The following TTC7A variants were observed in gnomAD, a reference collection of about 807,000 sequenced individuals.
TTC7A encodes tetratricopeptide repeat protein 7A.
A neutral mutation model predicts 103.7 loss-of-function variants in TTC7A; 110 were observed. The observed-to-expected ratio is 1.06, with a 90% CI of 0.91 to 1.24. The LOEUF (loss-of-function observed/expected upper bound fraction) is 1.24. Among genes scored for constraint, TTC7A ranks in the 50% most tolerant of loss-of-function variants. The pLI, the probability that TTC7A is intolerant of heterozygous loss-of-function variation, is 0.00. For synonymous variants in TTC7A, 521 were observed against 467.9 expected, an observed-to-expected ratio of 1.11 and a Z score of -1.47; for missense variants, 1,340 against 1,116.3, an observed-to-expected ratio of 1.20 and a Z score of -2.86.
At chr2:46,957,273 C>T (rs1671959845) in intron 3 of TTC7A, among the ~76,000 whole-genome samples, 1 of 152,256 alleles carries the variant, frequency 6.6e-6, no homozygotes, top group Non-Finnish European at 1.5e-5. Context: ...CACCTCTTCA[C>T]CTCCTTTGGC....
At chr2:47,028,343 GC>G (rs1054288269) in intron 14 of TTC7A, among the ~76,000 whole-genome samples, 1 of 152,224 alleles carries the variant, frequency 6.6e-6, no homozygotes, top group African/African-American at 2.4e-5. Flanking sequence ...GGCCACAGCT[GC>G]AAATCACCCG....
chr2:46,932,393 C>T (rs901352647), intron 2 of TTC7A, among the ~76,000 whole-genome samples: 13 of 152,114 alleles, frequency 8.5e-5, no homozygotes, highest in Admixed American at 5.9e-4. Context: ...ATATGATCCT[C>T]GCACCTTGGC....
intron 3 of TTC7A, 190 bp from the exon 4 acceptor site, chr2:46,974,783 C>A (rs116661870): frequency 1.4e-5 from 10 of 726,594 alleles, no homozygotes; most frequent in Non-Finnish European, 2.1e-5. Flanking sequence ...GCTGTCCCAT[C>A]GCTTACTCCC....
chr2:47,039,535 C>G (rs1002646585), intron 15 of TTC7A, among the ~76,000 whole-genome samples: 6 of 152,198 alleles, frequency 3.9e-5, no homozygotes, highest in African/African-American at 1.4e-4. Flanking sequence ...AAAAATATCC[C>G]CTATCTACAA....
In TTC7A at chr2:47,005,527, G is replaced by A. The variant is rs1431432471; in HGVS notation, c.1066-395G>A. Among the ~76,000 whole-genome samples, 4 of 152,178 alleles carry A rather than the reference G, an allele frequency of 2.6e-5. No homozygotes were observed. In the East Asian group the frequency reaches 5.8e-4, roughly 22 times the overall value. On this transcript the variant is annotated intron_variant, in intron 8 of 19. Transcript: ENST00000319190. ...GATACAGGGAGATTAAAGAGACATG[G>A]CACCTGAATACAAGGTATGATCCTG...
intron 8 of TTC7A, among the ~76,000 whole-genome samples, chr2:47,003,933 T>C (rs1242489244): frequency 6.6e-6 from 1 of 152,222 alleles, no homozygotes; most frequent in Non-Finnish European, 1.5e-5. Context: ...TATTCCTAGT[T>C]GGCTCAGGGG....
chr2:47,021,570 G>T (rs1010979961), intron 11 of TTC7A, among the ~76,000 whole-genome samples: 2 of 152,280 alleles, frequency 1.3e-5, no homozygotes, highest in South Asian at 4.1e-4. Flanking sequence ...TGCCTGCCCC[G>T]GCCCTGGCTT....
At chr2:47,070,884 A>T (rs1390377975) in intron 19 of TTC7A, among the ~76,000 whole-genome samples, 2 of 152,182 alleles carry the variant, frequency 1.3e-5, no homozygotes, top group Non-Finnish European at 2.9e-5. Context: ...CTGGCAGCAC[A>T]GCCATGGCAT....
At chr2:47,030,279 A>G (rs1680391598) in intron 15 of TTC7A, among the ~76,000 whole-genome samples, 1 of 152,206 alleles carries the variant, frequency 6.6e-6, no homozygotes, top group Admixed American at 6.5e-5. Context: ...CAGGTTCACA[A>G]AGGATTAGGA....
intron 8 of TTC7A, among the ~76,000 whole-genome samples, chr2:46,998,342 C>G (rs1459626301): frequency 6.6e-6 from 1 of 152,156 alleles, no homozygotes; most frequent in African/African-American, 2.4e-5. Flanking sequence ...GGAATGGTTT[C>G]TCTAAGTGGC....
intron 11 of TTC7A, among the ~76,000 whole-genome samples, chr2:47,016,866 G>A (rs746129028): frequency 6.6e-6 from 1 of 152,120 alleles, no homozygotes; most frequent in Non-Finnish European, 1.5e-5. Flanking sequence ...CAGATCGCAG[G>A]TGGGGCCCAT....
intron 8 of TTC7A, 52 bp from the exon 9 acceptor site, chr2:47,005,870 C>T: frequency 6.2e-7 from 1 of 1,604,114 alleles, no homozygotes; most frequent in South Asian, 1.1e-5. Flanking sequence ...CGAAGACAGA[C>T]ACCTGCTTAT....
At chr2:47,029,732 T>C (rs1393432035) in intron 15 of TTC7A, among the ~76,000 whole-genome samples, 1 of 152,198 alleles carries the variant, frequency 6.6e-6, no homozygotes, top group Admixed American at 6.5e-5. Context: ...CAGTAACTTG[T>C]GTAAGTTAAT....
chr2:46,961,600 T>TAAATAAATAAATAAATAAATAAATA (rs1289737572), intron 3 of TTC7A, among the ~76,000 whole-genome samples: 1 of 149,764 alleles, frequency 6.7e-6, no homozygotes, highest in East Asian at 1.9e-4. Flanking sequence ...AATAAATAAA[T>TAAATAAATAAATAAATAAATAAATA]AAATAAAATA....
At chr2:47,071,496 T>C (rs535157998) in intron 19 of TTC7A, among the ~76,000 whole-genome samples, 97 of 152,356 alleles carry the variant, frequency 6.4e-4, no homozygotes, top group African/African-American at 2.2e-3. Flanking sequence ...CGCGGTGATT[T>C]TTCAAGTTGA....
rs781503883 is a variant in TTC7A, at chr2:46,956,978, G to T, written c.488G>T (p.Arg163Leu). 19 of 1,614,120 alleles carry T rather than the reference G, an allele frequency of 1.2e-5. No individual in the cohort carries two copies. Among genetic ancestry groups the T allele is most frequent in the Non-Finnish European group, 1.6e-5 (19 of 1,180,000 alleles). ...SMENKPLYQM[R>L]LLSEAFVIKG... ...GAGAACAAGCCCCTGTATCAGATGC[G>T]GCTGCTGTCGGAGGCTTTTGTCATC... is the stretch of plus-strand genomic sequence containing the variant. The change falls in exon 3 of 20, where the codon CGG becomes CTG. Residue 163 changes from arginine to leucine, a missense_variant. Coordinates refer to ENST00000319190, the MANE Select transcript of TTC7A (RefSeq NM_020458.4).
intron 8 of TTC7A, chr2:46,999,390 TCATC>T: frequency 1.9e-6 from 1 of 517,998 alleles, no homozygotes; most frequent in Non-Finnish European, 2.5e-6. Context: ...CATCCCCCAT[TCATC>T]CATCCAGCCA....
chr2:47,013,345 A>G (rs953249579), intron 11 of TTC7A, among the ~76,000 whole-genome samples: 1 of 152,186 alleles, frequency 6.6e-6, no homozygotes, highest in African/African-American at 2.4e-5. Flanking sequence ...CTTCAGATAC[A>G]GGTGGCCCAT....
intron 15 of TTC7A, among the ~76,000 whole-genome samples, chr2:47,044,684 G>T (rs945771956): frequency 2.0e-5 from 3 of 152,224 alleles, no homozygotes; most frequent in African/African-American, 7.2e-5. Flanking sequence ...TGGTATCTGG[G>T]GGGCAACCCG....
Sources: allele counts gnomAD v4.1 joint callset (sites outside exome capture counted in the v4.1 genomes callset), GRCh38; gene constraint gnomAD v4.1.1; transcripts MANE v1.5; gene names NCBI Gene and HGNC (gene_info 2026-07-23, HGNC 2026-07-21).